LZTFL1: variants seen among roughly 807,000 people sequenced by gnomAD.
LZTFL1 encodes leucine zipper transcription factor-like protein 1.
In LZTFL1, 25 loss-of-function variants were observed where a neutral mutation model predicts 45.9. That is an observed-to-expected ratio of 0.54 (90% CI 0.40 to 0.76). The LOEUF (loss-of-function observed/expected upper bound fraction) is 0.76. Ranked by LOEUF, LZTFL1 falls within the 30% of genes least tolerant of loss-of-function variation. The probability of loss-of-function intolerance (pLI) is 0.00; values close to 1 mark genes in which losing one functional copy is unlikely to be tolerated. For missense variants in LZTFL1, 277 were observed against 331.1 expected (o/e 0.84, Z 1.27); for synonymous variants, 93 against 117.4 (o/e 0.79, Z 1.35).
At chr3:45,874,328 A>G (rs1467705172) in intron 2 of LZTFL1, among the ~76,000 whole-genome samples, 1 of 152,168 alleles carries the variant, frequency 6.6e-6, no homozygotes, top group Non-Finnish European at 1.5e-5. Context: ...TTGATGTTAT[A>G]CTATGTTGCT....
intron 9 of LZTFL1, 113 bp downstream of exon 9, chr3:45,827,242 TA>T: frequency 1.3e-6 from 1 of 793,442 alleles, no homozygotes; most frequent in African/African-American, 1.7e-5. Context: ...GCTTCTGGAC[TA>T]AATGATCCAG....
intron 2 of LZTFL1, among the ~76,000 whole-genome samples, chr3:45,880,501 C>CA (rs914831412): frequency 1.5e-4 from 23 of 150,242 alleles, no homozygotes; most frequent in Non-Finnish European, 2.7e-4. Context: ...GACTCCATCT[C>CA]AAAAAAAAAG....
chr3:45,893,803 T>C (rs930935974), intron 2 of LZTFL1, among the ~76,000 whole-genome samples: 1 of 152,230 alleles, frequency 6.6e-6, no homozygotes, highest in Non-Finnish European at 1.5e-5. Context: ...CTTGGGTGAA[T>C]ACTTAGGAGT....
rs199541347 is a variant in LZTFL1 at position 45,901,212 on chromosome 3, G to A, written c.-215+11908C>T. On this transcript the variant is annotated intron_variant, in intron 2 of 4. Transcript: ENST00000472635. The surrounding 1 kb of genome is among the most constrained non-coding windows in gnomAD (Gnocchi z 4.3). ...TGTGTTGCTGATCATGTGCATCAGCGTGGACAGGTACATTGCCATTGCCCA... is the reference window on the plus strand; with the variant it reads ...TGTGTTGCTGATCATGTGCATCAGCATGGACAGGTACATTGCCATTGCCCA... The A allele has an allele frequency of 1.6e-4, 251 of 1,614,096 alleles. 2 individuals are homozygous for A. The highest frequency in any genetic ancestry group is 1.4e-3 in the South Asian group (127 of 91,076).
intron 2 of LZTFL1, among the ~76,000 whole-genome samples, chr3:45,884,551 C>T (rs74586549): frequency 0.19 from 29,084 of 151,940 alleles, 3,802 homozygotes; most frequent in South Asian, 0.37. Context: ...CTTCCCACAC[C>T]GGTGCATTTA....
chr3:45,900,959 C>A lies in LZTFL1; in HGVS notation c.-215+12161G>T. 6.2e-7 allele frequency: 1 copy of A among 1,614,192 alleles called. No homozygotes were observed. The highest frequency in any genetic ancestry group is 8.5e-7 in the Non-Finnish European group (1 of 1,180,024). On this transcript the variant is annotated intron_variant, in intron 2 of 4. Coordinates refer to the LZTFL1 transcript ENST00000472635. The surrounding 1 kb of genome is among the most constrained non-coding windows in gnomAD (Gnocchi z 4.7). ...ATTTCCTCCCACCCTTGTACTGGCT[C>A]GTGTTCATCGTGGGTGCCTTGGGCA...
intron 2 of LZTFL1, among the ~76,000 whole-genome samples, chr3:45,864,032 C>T (rs1701538556): frequency 6.6e-6 from 1 of 152,156 alleles, no homozygotes; most frequent in African/African-American, 2.4e-5. Context: ...CAATGTCATG[C>T]ATGATATCTC....
chr3:45,845,785 G>A (rs1252691385), upstream of LZTFL1, among the ~76,000 whole-genome samples: 1 of 152,152 alleles, frequency 6.6e-6, no homozygotes, highest in Non-Finnish European at 1.5e-5. Context: ...AGAAAGTTTT[G>A]CCTACAAAGC....
At chr3:45,883,888 C>A in intron 2 of LZTFL1, 1 of 518,980 alleles carries the variant, frequency 1.9e-6, no homozygotes, top group Non-Finnish European at 3.6e-6. Flanking sequence ...GGCCCAGGAG[C>A]AAAACACTGA....
chr3:45,894,967 G>GTGCTCCTCTGGCTCCTCA, intron 2 of LZTFL1: 1 of 1,613,370 alleles, frequency 6.2e-7, no homozygotes, highest in Non-Finnish European at 8.5e-7. Flanking sequence ...GAGTACAGCC[G>GTGCTCCTCTGGCTCCTCA]TGCTCCTCTG....
intron 2 of LZTFL1, among the ~76,000 whole-genome samples, chr3:45,865,541 A>G (rs1489896971): frequency 6.6e-6 from 1 of 152,260 alleles, no homozygotes; most frequent in Non-Finnish European, 1.5e-5. Context: ...ATAAATATGT[A>G]TGACGAACTA....
At chr3:45,841,767 G>C (rs1701123044) in intron 1 of LZTFL1, 1 of 609,700 alleles carries the variant, frequency 1.6e-6, no homozygotes, top group Non-Finnish European at 2.9e-6. Context: ...CGGCGGAGCT[G>C]GGCTGCTGGG....
intron 2 of LZTFL1, among the ~76,000 whole-genome samples, chr3:45,883,424 T>G (rs1048913208): frequency 6.6e-6 from 1 of 152,238 alleles, no homozygotes; most frequent in African/African-American, 2.4e-5. Flanking sequence ...CTCACCAGAA[T>G]ACAGACCTCA....
rs1378803631 is a variant in LZTFL1 at position 45,884,997 on chromosome 3, G to T, written c.-214-25981C>A. Among the ~76,000 whole-genome samples the T allele has an allele frequency of 2.8e-5, 3 of 107,182 alleles. No homozygotes were observed. In the East Asian group the frequency reaches 6.9e-4, roughly 25 times the overall value. The allele number at this position is 107,182 out of a possible 152,430, so 70.3% of individuals were successfully genotyped here. A position where few individuals can be genotyped will look rare whatever the true frequency, so the allele number is the denominator to read the frequency against. On this transcript the variant is annotated intron_variant, in intron 2 of 4. Transcript: ENST00000472635. ...AATTTCACGGCTCCCTCGCACCGCC[G>T]TTCCTTAAGGCTGATGAATCAGACA...
rs540785770 is a variant in LZTFL1 at position 45,853,623 on chromosome 3, C to T, written c.-49+1363G>A. 9.2e-5 allele frequency among the ~76,000 whole-genome samples: 14 copies of T among 152,274 alleles called. No individual in the cohort carries two copies. In the South Asian group the frequency reaches 2.5e-3, roughly 27 times the overall value. Reference sequence around the variant, plus strand: ...TAACTAGATCCCATTCTCATCTAAGCCCTTCTACCTCTGCTAGGACCAAGC... The same window carrying T: ...TAACTAGATCCCATTCTCATCTAAGTCCTTCTACCTCTGCTAGGACCAAGC... On this transcript the variant is annotated intron_variant, in intron 4 of 4. Coordinates refer to the LZTFL1 transcript ENST00000472635.
chr3:45,857,426 T>C (rs1206428332), intron 3 of LZTFL1, among the ~76,000 whole-genome samples: 1 of 152,120 alleles, frequency 6.6e-6, no homozygotes, highest in Non-Finnish European at 1.5e-5. Context: ...TGAGGTGTAA[T>C]ATCTAGGTGA....
chr3:45,884,776 C>A (rs1005165716), intron 2 of LZTFL1, among the ~76,000 whole-genome samples: 1 of 152,178 alleles, frequency 6.6e-6, no homozygotes, highest in Non-Finnish European at 1.5e-5. Context: ...AGGACGCAAT[C>A]AAACACGGGG....
intron 9 of LZTFL1, among the ~76,000 whole-genome samples, chr3:45,826,616 G>A (rs559227248): frequency 6.6e-6 from 1 of 152,306 alleles, no homozygotes; most frequent in African/African-American, 2.4e-5. Context: ...AAGAACAGTT[G>A]ATACGACTAT....
intron 2 of LZTFL1, among the ~76,000 whole-genome samples, chr3:45,904,502 G>A (rs1166399972): frequency 1.3e-5 from 2 of 152,194 alleles, no homozygotes; most frequent in Admixed American, 1.3e-4. Flanking sequence ...CACAGCTCCT[G>A]AGAGAGCTGA....
Sources: gnomAD v4.1 joint callset for allele counts (sites outside exome capture counted in the v4.1 genomes callset) on GRCh38, gnomAD v4.1.1 for gene constraint, Gnocchi (gnomAD v3.1) non-coding constraint, MANE v1.5 for transcripts, NCBI Gene and HGNC (gene_info 2026-07-23, HGNC 2026-07-21) for gene names.